PHC1: variants seen among roughly 807,000 people sequenced by gnomAD.
The protein encoded by PHC1 is polyhomeotic-like protein 1.
Under a neutral mutation model 104.3 loss-of-function variants are expected in PHC1, and 12 were observed. The observed-to-expected ratio is 0.12, with a 90% CI of 0.07 to 0.19. The LOEUF is 0.19. Ranked by LOEUF, PHC1 falls within the 10% of genes least tolerant of loss-of-function variation. The pLI, the probability that PHC1 is intolerant of heterozygous loss-of-function variation, is 1.00. For synonymous variants in PHC1, 302 were observed against 455.8 expected, an observed-to-expected ratio of 0.66 and a Z score of 4.30; for missense variants, 671 against 1,200.0, an observed-to-expected ratio of 0.56 and a Z score of 6.51.
chr12:8,916,984 T>C (rs1051451128), intron 1 of PHC1, among the ~76,000 whole-genome samples: 1 of 152,216 alleles, frequency 6.6e-6, no homozygotes, highest in Non-Finnish European at 1.5e-5. Context: ...TGAGGATAAC[T>C]ACTCACTATC....
chr12:8,922,815 G>T lies in PHC1; in HGVS notation c.612+27G>T, dbSNP rs769389679. The T allele has an allele frequency of 3.0e-5, 48 of 1,606,946 alleles. No homozygotes were observed. The Middle Eastern group carries it at 4.9e-4, about 17-fold the overall frequency. On this transcript the variant is annotated intron_variant, in intron 6 of 14. Transcript: ENST00000544916. The stretch of plus-strand genomic sequence containing the variant: ...TTAGTGGCGATGACTTTACCTGTGG[G>T]TGGGCACTGGGCAGGATGAAGGGAA...
At chr12:8,923,138 G>A (rs1484645231) in intron 6 of PHC1, among the ~76,000 whole-genome samples, 5 of 152,180 alleles carry the variant, frequency 3.3e-5, no homozygotes, top group Non-Finnish European at 7.4e-5. Context: ...ATTGTTGAGA[G>A]AATTCTTCTG....
At chr12:8,917,105 C>G (rs1365172114) in intron 1 of PHC1, among the ~76,000 whole-genome samples, 1 of 152,184 alleles carries the variant, frequency 6.6e-6, no homozygotes, top group African/African-American at 2.4e-5. Context: ...CCTTATGTCT[C>G]AAATTGTAGA....
rs370106519 is a variant in PHC1 at position 8,922,619 on chromosome 12, C to G, written c.457-14C>G. 59 of 1,557,372 alleles carry G rather than the reference C, an allele frequency of 3.8e-5. No individual in the cohort carries two copies. In the African/African-American group the frequency reaches 7.5e-4, roughly 20 times the overall value. The stretch of plus-strand genomic sequence containing the variant: ...TCTTGTCCTCTTTGCTCTTCCTCTT[C>G]CTCTCCTTGCCAGCCACAGCTGGGA... On this transcript the variant is annotated splice_polypyrimidine_tract_variant and intron_variant, in intron 5 of 14. Transcript: ENST00000544916.
At chr12:8,926,870 G>A (rs972771814) in intron 6 of PHC1, among the ~76,000 whole-genome samples, 40 of 152,242 alleles carry the variant, frequency 2.6e-4, no homozygotes, top group South Asian at 4.1e-4. Flanking sequence ...AGCCGAGATC[G>A]CGCCGTTGTA....
Position 8,919,065 on chromosome 12 carries a change from C to G in PHC1, c.115-691C>G, listed in dbSNP as rs1945282843. On this transcript the variant is annotated intron_variant, in intron 2 of 14. Coordinates refer to ENST00000544916, the MANE Select transcript of PHC1 (RefSeq NM_004426.3). The surrounding 1 kb of genome is among the most constrained non-coding windows in gnomAD (Gnocchi z 4.9). ...TAGACTTACTGAGGCAGAAGGATCT[C>G]TCTGTTTTTTTGAGATGGAGTTTCG... Among the ~76,000 whole-genome samples the G allele has an allele frequency of 6.6e-6, 1 of 152,066 alleles. No individual in the cohort carries two copies. Among genetic ancestry groups the G allele is most frequent in the African/African-American group, 2.4e-5 (1 of 41,394 alleles).
rs965658842 is a variant in PHC1, at chr12:8,919,089, C to T, written c.115-667C>T. ...TCTCTGTTTTTTTGAGATGGAGTTT[C>T]GCTCCTGTTGCCCAGGCTGCAGTGC... On this transcript the variant is annotated intron_variant, in intron 2 of 14. Coordinates refer to ENST00000544916, the MANE Select transcript of PHC1 (RefSeq NM_004426.3). This position sits in a 1 kb window ranked among gnomAD's most constrained non-coding sequence, Gnocchi z 4.9. Among the ~76,000 whole-genome samples the T allele has an allele frequency of 2.6e-5, 4 of 152,080 alleles. No homozygotes were observed. The highest frequency in any genetic ancestry group is 1.9e-4 in the East Asian group (1 of 5,172).
chr12:8,923,943 C>T (rs998314185), intron 6 of PHC1, among the ~76,000 whole-genome samples: 7 of 151,428 alleles, frequency 4.6e-5, no homozygotes, highest in African/African-American at 7.3e-5. Flanking sequence ...ATAGTACTTA[C>T]ATTGTATTAG....
At chr12:8,932,529 T>C in intron 7 of PHC1, 34 bp from the exon 8 acceptor site, 1 of 1,599,158 alleles carries the variant, frequency 6.3e-7, no homozygotes, top group South Asian at 1.1e-5. Flanking sequence ...CTGCTCTTTT[T>C]TCTCTCTGTT....
Position 8,924,761 on chromosome 12 carries a change from G to A in PHC1, c.612+1973G>A, listed in dbSNP as rs111488570. 2.0e-3 allele frequency among the ~76,000 whole-genome samples: 307 copies of A among 152,312 alleles called. 1 individual carries two copies. Among genetic ancestry groups the A allele is most frequent in the African/African-American group, 7.0e-3 (289 of 41,570 alleles). Reference sequence around the variant, plus strand: ...GATAGAAGAGGTCATTGCTGGGGTAGAGCATATAAAGGAGGTTGTAGTTAA... The same window carrying A: ...GATAGAAGAGGTCATTGCTGGGGTAAAGCATATAAAGGAGGTTGTAGTTAA... On this transcript the variant is annotated intron_variant, in intron 6 of 14. Transcript: ENST00000544916.
intron 5 of PHC1, 147 bp downstream of exon 5, chr12:8,921,897 T>C: frequency 4.1e-6 from 3 of 723,180 alleles, no homozygotes; most frequent in Non-Finnish European, 6.7e-6. Context: ...CACTGCAGCC[T>C]CTGCCTCCCA....
chr12:8,919,969 G>T lies in PHC1; in HGVS notation c.225+103G>T. On this transcript the variant is annotated intron_variant, in intron 3 of 14. Coordinates refer to ENST00000544916, the MANE Select transcript of PHC1 (RefSeq NM_004426.3). The surrounding 1 kb of genome is among the most constrained non-coding windows in gnomAD (Gnocchi z 4.9). ...ATAGCATCCTATACTAAGCCAGGCT[G>T]CAGACAGCCTCCTCCGCCTCCTGTC... The T allele has an allele frequency of 6.6e-7, 1 of 1,508,428 alleles. No homozygotes were observed. The highest frequency in any genetic ancestry group is 2.5e-5 in the East Asian group (1 of 40,258). 93.4% of individuals were successfully genotyped at this position (1,508,428 alleles called of 1,614,324 possible).
In PHC1 at chr12:8,922,614, C is replaced by T. The variant is rs1945397768; in HGVS notation, c.457-19C>T. On this transcript the variant is annotated intron_variant, in intron 5 of 14. Coordinates refer to ENST00000544916, the MANE Select transcript of PHC1 (RefSeq NM_004426.3). ...TTCCCTCTTGTCCTCTTTGCTCTTC[C>T]TCTTCCTCTCCTTGCCAGCCACAGC... The T allele has an allele frequency of 1.3e-6, 2 of 1,554,932 alleles. No homozygotes were observed. The highest frequency in any genetic ancestry group is 2.4e-5 in the East Asian group (1 of 41,440).
intron 3 of PHC1, 51 bp from the exon 4 acceptor site, chr12:8,920,934 C>T: frequency 7.9e-7 from 1 of 1,260,962 alleles, no homozygotes; most frequent in Non-Finnish European, 1.1e-6. Flanking sequence ...AGACTGAGAG[C>T]TTTTTCCTTC....
intron 2 of PHC1, among the ~76,000 whole-genome samples, chr12:8,918,682 G>T (rs1339383269): frequency 2.0e-5 from 3 of 151,922 alleles, no homozygotes; most frequent in Non-Finnish European, 4.4e-5. Flanking sequence ...ATTTTCACCC[G>T]ATCTAGTCTT....
chr12:8,918,487 T>C (rs953218776), intron 2 of PHC1, among the ~76,000 whole-genome samples: 1 of 151,988 alleles, frequency 6.6e-6, no homozygotes, highest in Non-Finnish European at 1.5e-5. Context: ...ATTTTCTTCT[T>C]TTTTTTTTGA....
At chr12:8,922,814 G>T (rs952963975) in intron 6 of PHC1, 26 bp downstream of exon 6, 2 of 1,606,758 alleles carry the variant, frequency 1.2e-6, no homozygotes, top group African/African-American at 2.7e-5. Flanking sequence ...TTTACCTGTG[G>T]GTGGGCACTG....
At position 8,919,684 on chromosome 12, in the gene PHC1, A is replaced by C. The variant is rs1945302336; in HGVS notation, c.115-72A>C. The C allele has an allele frequency of 6.9e-7, 1 of 1,459,430 alleles. No homozygotes were observed. The highest frequency in any genetic ancestry group is 2.4e-5 in the East Asian group (1 of 42,050). 90.4% of individuals were successfully genotyped at this position (1,459,430 alleles called of 1,614,324 possible). ...TCCTTCCCATGGCCCCCTTTCACAC[A>C]AATACAGTGATTTACATAGAATAGG... On this transcript the variant is annotated intron_variant, in intron 2 of 14. Coordinates refer to ENST00000544916, the MANE Select transcript of PHC1 (RefSeq NM_004426.3). The surrounding 1 kb of genome is among the most constrained non-coding windows in gnomAD (Gnocchi z 4.9).
At chr12:8,918,521 T>C (rs957956447) in intron 2 of PHC1, among the ~76,000 whole-genome samples, 1 of 152,142 alleles carries the variant, frequency 6.6e-6, no homozygotes, top group Non-Finnish European at 1.5e-5. Context: ...TCTGTTGCCC[T>C]GGCTGGAGTG....
Sources: gnomAD v4.1 joint callset for allele counts (sites outside exome capture counted in the v4.1 genomes callset) on GRCh38, gnomAD v4.1.1 for gene constraint, Gnocchi (gnomAD v3.1) non-coding constraint, MANE v1.5 for transcripts, NCBI Gene and HGNC (gene_info 2026-07-23, HGNC 2026-07-21) for gene names.